Variants in STK32A observed in about 807,000 individuals in gnomAD.
STK32A encodes serine/threonine kinase 32A, also known as serine/threonine-protein kinase 32A.
STK32A carries 41 observed loss-of-function variants against 53.2 expected under a neutral mutation model. The observed-to-expected ratio is 0.77, with a 90% CI of 0.60 to 1.00. The LOEUF (loss-of-function observed/expected upper bound fraction) is 1.00. Among genes scored for constraint, STK32A ranks in the 50% least tolerant of loss-of-function variants. The pLI is 0.00. For missense variants in STK32A, 458 were observed against 485.8 expected (o/e 0.94, Z 0.54); for synonymous variants, 166 against 162.8 (o/e 1.02, Z -0.15).
rs59156712 is a variant in STK32A at position 147,368,448 on chromosome 5, A to AGTGT, written c.661-2191_661-2188dup. On this transcript the variant is annotated intron_variant, in intron 8 of 12. Coordinates refer to ENST00000397936, the MANE Select transcript of STK32A (RefSeq NM_001112724.2). ...CTATAGCATGTATCCCATTTATTTAAGTGTGTGTGTGTGTGTGTATACAGT... is the reference window on the plus strand; with the variant it reads ...CTATAGCATGTATCCCATTTATTTAAGTGTGTGTGTGTGTGTGTGTGTATACAGT... Among the ~76,000 whole-genome samples the AGTGT allele has an allele frequency of 8.3e-4, 125 of 150,930 alleles. 1 individual carries two copies. The highest frequency in any genetic ancestry group is 2.9e-3 in the African/African-American group (118 of 41,236).
chr5:147,241,180 T>C (rs1443525892), intron 2 of STK32A, among the ~76,000 whole-genome samples: 1 of 152,130 alleles, frequency 6.6e-6, no homozygotes, highest in Non-Finnish European at 1.5e-5. Flanking sequence ...TGGAAATACT[T>C]TTAAAAACAA....
intron 4 of STK32A, among the ~76,000 whole-genome samples, chr5:147,318,443 A>G (rs943458781): frequency 2.6e-5 from 4 of 151,880 alleles, no homozygotes; most frequent in Non-Finnish European, 4.4e-5. Flanking sequence ...CAGTTTTTCG[A>G]GTGTATCCAT....
chr5:147,374,594 C>T (rs1309947807), intron 10 of STK32A, among the ~76,000 whole-genome samples: 3 of 152,094 alleles, frequency 2.0e-5, no homozygotes, highest in African/African-American at 7.2e-5. Context: ...CTATGTGTTG[C>T]GTCCCTGCAA....
At chr5:147,312,849 C>G (rs988278396) in intron 4 of STK32A, among the ~76,000 whole-genome samples, 9 of 152,052 alleles carry the variant, frequency 5.9e-5, no homozygotes, top group African/African-American at 1.9e-4. Context: ...TACCTTTGCC[C>G]TTTGTTTTGA....
At chr5:147,258,725 A>G (rs1477334561) in intron 2 of STK32A, among the ~76,000 whole-genome samples, 1 of 151,698 alleles carries the variant, frequency 6.6e-6, no homozygotes, top group Non-Finnish European at 1.5e-5. Context: ...TCCAAAGCCA[A>G]CTTCCTTTAT....
At chr5:147,337,645 GC>G (rs1561730339) in intron 5 of STK32A, among the ~76,000 whole-genome samples, 1 of 151,960 alleles carries the variant, frequency 6.6e-6, no homozygotes, top group African/African-American at 2.4e-5. Flanking sequence ...GAGTCCAGGG[GC>G]TGCTGCATTG....
In STK32A at chr5:147,329,797, T is replaced by C. The variant is rs769930500; in HGVS notation, c.434+5726T>C. ...ATAAGTGGATACTACACCTCACTTA[T>C]GTTTTAATCTCCAGCAACTTGCACT... On this transcript the variant is annotated intron_variant, in intron 5 of 12. Coordinates refer to ENST00000397936, the MANE Select transcript of STK32A (RefSeq NM_001112724.2). Among the ~76,000 whole-genome samples the C allele has an allele frequency of 4.7e-4, 71 of 152,262 alleles. 1 individual carries two copies. The highest frequency in any genetic ancestry group is 3.7e-4 in the Non-Finnish European group (25 of 68,044).
At chr5:147,299,325 G>A (rs909939055) in intron 4 of STK32A, among the ~76,000 whole-genome samples, 4 of 152,208 alleles carry the variant, frequency 2.6e-5, no homozygotes, top group East Asian at 1.9e-4. Context: ...CACTCTCATC[G>A]TCATCTTGGT....
downstream of STK32A, among the ~76,000 whole-genome samples, chr5:147,390,478 CA>C (rs151186049): frequency 9.3e-3 from 1,029 of 110,824 alleles, 7 homozygotes; most frequent in African/African-American, 0.021. Context: ...GGGGAAAGAC[CA>C]AAAAAAAAAA....
chr5:147,396,238 T>C, the STK32A span, among the ~76,000 whole-genome samples: 2 of 152,164 alleles, frequency 1.3e-5, no homozygotes, highest in Admixed American at 6.5e-5. Flanking sequence ...GGCCTTGAAG[T>C]GAGTGTCTGT....
At chr5:147,318,859 A>T (rs1754150634) in intron 4 of STK32A, among the ~76,000 whole-genome samples, 1 of 152,066 alleles carries the variant, frequency 6.6e-6, no homozygotes, top group Non-Finnish European at 1.5e-5. Flanking sequence ...GGCTTCACCA[A>T]ATTACCATCC....
chr5:147,373,361 C>T, intron 10 of STK32A, 67 bp downstream of exon 10: 2 of 1,578,738 alleles, frequency 1.3e-6, no homozygotes, highest in Non-Finnish European at 1.7e-6. Flanking sequence ...GCCAGATTCA[C>T]ACATTGTCTC....
At chr5:147,260,228 C>G (rs1754481973) in intron 2 of STK32A, among the ~76,000 whole-genome samples, 1 of 108,530 alleles carries the variant, frequency 9.2e-6, no homozygotes, top group Non-Finnish European at 1.9e-5. Flanking sequence ...TCTCTCTCTC[C>G]TCTCTGTCTC....
chr5:147,287,602 A>G (rs867232368), intron 4 of STK32A, among the ~76,000 whole-genome samples: 5 of 152,150 alleles, frequency 3.3e-5, no homozygotes, highest in Admixed American at 2.0e-4. Context: ...CAGTTTATGC[A>G]CTACTCGGAT....
chr5:147,240,310 T>C (rs533604878), intron 2 of STK32A, among the ~76,000 whole-genome samples: 7 of 152,238 alleles, frequency 4.6e-5, no homozygotes, highest in African/African-American at 1.4e-4. Flanking sequence ...ATATGTTAAG[T>C]CTGAACAGCA....
intron 2 of STK32A, among the ~76,000 whole-genome samples, chr5:147,260,952 G>A (rs1250521346): frequency 6.6e-6 from 1 of 152,224 alleles, no homozygotes; most frequent in Non-Finnish European, 1.5e-5. Flanking sequence ...ACCGGCTGCC[G>A]CGGCTTCTCC....
At chr5:147,249,096 T>G (rs915864525) in intron 2 of STK32A, among the ~76,000 whole-genome samples, 5 of 152,136 alleles carry the variant, frequency 3.3e-5, no homozygotes, top group African/African-American at 1.2e-4. Flanking sequence ...AGAGAAAAAT[T>G]AGGACAATGT....
intron 4 of STK32A, among the ~76,000 whole-genome samples, chr5:147,311,536 A>G (rs1419494682): frequency 6.6e-6 from 1 of 152,178 alleles, no homozygotes; most frequent in Non-Finnish European, 1.5e-5. Flanking sequence ...ATATAATGCA[A>G]TGCAGCCATC....
chr5:147,307,481 T>A (rs7706182), intron 4 of STK32A, among the ~76,000 whole-genome samples: 1 of 151,810 alleles, frequency 6.6e-6, no homozygotes, highest in Non-Finnish European at 1.5e-5. Context: ...ATTAGCCGGG[T>A]GTAATGGCAC....
Sources: allele counts gnomAD v4.1 joint callset (sites outside exome capture counted in the v4.1 genomes callset), GRCh38; gene constraint gnomAD v4.1.1; transcripts MANE v1.5; gene names NCBI Gene and HGNC (gene_info 2026-07-23, HGNC 2026-07-21).